SAMMSON: variants seen among roughly 807,000 people sequenced by gnomAD.
SAMMSON encodes survival associated mitochondrial melanoma specific oncogenic non-coding RNA, also known as long intergenic non-protein coding RNA 1212.
At chr3:70,263,188 C>T (rs1017730592) in intron 6 of SAMMSON, among the ~76,000 whole-genome samples, 1 of 151,932 alleles carries the variant, frequency 6.6e-6, no homozygotes, top group African/African-American at 2.4e-5. Flanking sequence ...ACTGATTTTT[C>T]CTTCTGGTTA....
In SAMMSON at chr3:70,404,211, C is replaced by T. The variant is rs73837921; in HGVS notation, n.233+45887C>T. Among the ~76,000 whole-genome samples the T allele has an allele frequency of 4.5e-3, 682 of 151,614 alleles. 3 individuals carry two copies. The highest frequency in any genetic ancestry group is 0.016 in the African/African-American group (647 of 41,384). ...ATAATGGTGCTAATGATATGCATATCATTAGCATCATTATTACAATGTTTG... is the reference window on the plus strand; with the variant it reads ...ATAATGGTGCTAATGATATGCATATTATTAGCATCATTATTACAATGTTTG... On this transcript the variant is annotated intron_variant and non_coding_transcript_variant, in intron 2 of 3. Transcript: ENST00000641053.
intron 4 of SAMMSON, among the ~76,000 whole-genome samples, chr3:70,091,877 C>A (rs1464058264): frequency 6.6e-6 from 1 of 152,200 alleles, no homozygotes; most frequent in East Asian, 1.9e-4. Flanking sequence ...ATATTATAAT[C>A]TCAAATATTC....
rs1359583901 is a variant in SAMMSON at position 70,180,192 on chromosome 3, T to C, written n.508-68915T>C. Among the ~76,000 whole-genome samples, 3 of 152,096 alleles carry C rather than the reference T, an allele frequency of 2.0e-5. No homozygotes were observed. The East Asian group carries it at 5.8e-4, about 29-fold the overall frequency. The stretch of plus-strand genomic sequence containing the variant: ...GTCTGAGAAACCTCACATAGATAAC[T>C]TGATGGTCCTAAGCAGTATTTCTTC... On this transcript the variant is annotated intron_variant and non_coding_transcript_variant, in intron 4 of 9. Coordinates refer to ENST00000642114, the Ensembl canonical transcript of SAMMSON.
chr3:70,193,848 A>G (rs866304397), intron 4 of SAMMSON, among the ~76,000 whole-genome samples: 21 of 152,276 alleles, frequency 1.4e-4, no homozygotes, highest in South Asian at 4.1e-4. Flanking sequence ...AAATATTTCC[A>G]TCTATACATT....
At chr3:70,089,552 G>T in intron 4 of SAMMSON, among the ~76,000 whole-genome samples, 1 of 150,676 alleles carries the variant, frequency 6.6e-6, no homozygotes, top group Non-Finnish European at 1.5e-5. Flanking sequence ...GGTGGGGGTG[G>T]GGCTGAGGGT....
chr3:70,332,590 C>T (rs1447314685), intron 7 of SAMMSON: 1 of 152,264 alleles, frequency 6.6e-6, no homozygotes, highest in East Asian at 1.9e-4. Flanking sequence ...GTGTCTGGCA[C>T]CAGGAAAATT....
rs189841928 is a variant in SAMMSON, at chr3:70,204,550, A to G, written n.508-44557A>G. 5.9e-5 allele frequency: 9 copies of G among 152,224 alleles called. No homozygotes were observed. In the East Asian group the frequency reaches 1.7e-3, roughly 29 times the overall value. 9.4% of individuals were successfully genotyped at this position (152,224 alleles called of 1,614,324 possible). On this transcript the variant is annotated intron_variant and non_coding_transcript_variant, in intron 4 of 9. Transcript: ENST00000642114. ...GGAGGAAAAGGACAAGTGGACTATC[A>G]CCTAGGTGGTCAGCTTACAACCTGA...
At chr3:70,128,316 T>G (rs1048044442) in intron 4 of SAMMSON, among the ~76,000 whole-genome samples, 23 of 152,194 alleles carry the variant, frequency 1.5e-4, no homozygotes, top group African/African-American at 5.5e-4. Context: ...ATATTACTGA[T>G]AAGTTCACCT....
At chr3:70,323,367 C>T (rs1226478343) in intron 7 of SAMMSON, among the ~76,000 whole-genome samples, 6 of 152,214 alleles carry the variant, frequency 3.9e-5, no homozygotes, top group Middle Eastern at 3.4e-3. Context: ...CTCATTTCTC[C>T]GAATTGTCAA....
At chr3:70,194,616 C>T (rs558935764) in intron 4 of SAMMSON, among the ~76,000 whole-genome samples, 26 of 152,258 alleles carry the variant, frequency 1.7e-4, no homozygotes, top group African/African-American at 6.0e-4. Flanking sequence ...GAAAGCAAGG[C>T]CACAGAAAGA....
chr3:70,370,618 G>A (rs1272489816), intron 9 of SAMMSON, among the ~76,000 whole-genome samples: 1 of 152,066 alleles, frequency 6.6e-6, no homozygotes, highest in Non-Finnish European at 1.5e-5. Flanking sequence ...TTTGAGAAAT[G>A]TCTATTCATG....
chr3:70,376,183 A>G (rs2058891), intron 9 of SAMMSON, among the ~76,000 whole-genome samples: 84,158 of 151,988 alleles, frequency 0.55, 23,556 homozygotes, highest in East Asian at 0.61. Context: ...TTATTCAGGA[A>G]TAACAATTTT....
At chr3:70,066,013 A>G (rs2067209491) in intron 3 of SAMMSON, among the ~76,000 whole-genome samples, 1 of 152,150 alleles carries the variant, frequency 6.6e-6, no homozygotes, top group African/African-American at 2.4e-5. Context: ...CTATGTAACC[A>G]AAATTGATCA....
At chr3:70,024,233 C>A (rs1417303963) in intron 3 of SAMMSON, among the ~76,000 whole-genome samples, 1 of 152,090 alleles carries the variant, frequency 6.6e-6, no homozygotes, top group East Asian at 1.9e-4. Flanking sequence ...GGAAATGGAA[C>A]CATTGCATGC....
intron 4 of SAMMSON, among the ~76,000 whole-genome samples, chr3:70,163,129 T>C (rs1188163449): frequency 5.3e-5 from 8 of 149,592 alleles, no homozygotes; most frequent in Non-Finnish European, 7.5e-5. Context: ...GGATGCTTAA[T>C]CTATTCACAT....
At chr3:70,311,114 T>C (rs1387922840) in intron 7 of SAMMSON, among the ~76,000 whole-genome samples, 1 of 152,236 alleles carries the variant, frequency 6.6e-6, no homozygotes, top group African/African-American at 2.4e-5. Flanking sequence ...TAGAGTTTCC[T>C]ACAACCTTAT....
intron 3 of SAMMSON, among the ~76,000 whole-genome samples, chr3:70,037,345 C>T (rs2067089575): frequency 6.6e-6 from 1 of 152,040 alleles, no homozygotes; most frequent in South Asian, 2.1e-4. Context: ...ATGAAATATA[C>T]AGAAAGATGT....
intron 4 of SAMMSON, among the ~76,000 whole-genome samples, chr3:70,134,266 A>AG (rs1308688052): frequency 6.6e-6 from 1 of 151,828 alleles, no homozygotes; most frequent in African/African-American, 2.4e-5. Context: ...TCTCAAAAAA[A>AG]AAAAAATATT....
intron 3 of SAMMSON, among the ~76,000 whole-genome samples, chr3:70,058,541 A>T (rs1181699629): frequency 1.3e-5 from 2 of 151,980 alleles, no homozygotes; most frequent in Non-Finnish European, 1.5e-5. Flanking sequence ...GTCCATAAAA[A>T]CCCTGTGCTG....
Sources: gnomAD v4.1 joint callset for allele counts (sites outside exome capture counted in the v4.1 genomes callset) on GRCh38, gnomAD v4.1.1 for gene constraint, MANE v1.5 for transcripts, NCBI Gene and HGNC (gene_info 2026-07-23, HGNC 2026-07-21) for gene names.